Variants in CSMD1 observed in about 807,000 individuals in gnomAD.
CSMD1 encodes CUB and Sushi multiple domains 1, also known as CUB and sushi domain-containing protein 1.
In CSMD1, 213 loss-of-function variants were observed where a neutral mutation model predicts 417.5. The ratio of observed to expected loss-of-function variants is 0.51; its 90% CI spans 0.46 to 0.57. The LOEUF (loss-of-function observed/expected upper bound fraction) is 0.57. Ranked by LOEUF, CSMD1 falls within the 20% of genes least tolerant of loss-of-function variation. CSMD1 has a pLI of 0.00. For synonymous variants in CSMD1, 2,862 were observed against 1,736.8 expected (o/e 1.65, Z -16.11); for missense variants, 6,923 against 4,529.7 (o/e 1.53, Z -15.17).
At chr8:3,300,361 G>GTT (rs77577063) in intron 25 of CSMD1, among the ~76,000 whole-genome samples, 10 of 151,032 alleles carry the variant, frequency 6.6e-5, no homozygotes, top group South Asian at 2.1e-4. Context: ...ACATTTAGGG[G>GTT]TTTTTTTTTC....
chr8:4,790,286 A>T (rs1797623319), intron 1 of CSMD1, among the ~76,000 whole-genome samples: 1 of 152,168 alleles, frequency 6.6e-6, no homozygotes, highest in Non-Finnish European at 1.5e-5. Flanking sequence ...AAGGTGAAAT[A>T]CCTCTACCAC....
Position 4,794,736 on chromosome 8 carries a change from G to A in CSMD1, c.86-157178C>T, listed in dbSNP as rs376883386. 5.3e-5 allele frequency among the ~76,000 whole-genome samples: 8 copies of A among 152,262 alleles called. No individual in the cohort carries two copies. The South Asian group carries it at 1.0e-3, about 20-fold the overall frequency. On this transcript the variant is annotated intron_variant, in intron 1 of 69. Transcript: ENST00000635120. ...AGTATTTTCTCAGGAAAAAAGCTCT[G>A]AACAGATTATTGAGCCATTTGAATT...
At chr8:3,589,848 G>A (rs1800771108) in intron 8 of CSMD1, among the ~76,000 whole-genome samples, 2 of 152,062 alleles carry the variant, frequency 1.3e-5, no homozygotes. Flanking sequence ...AGACTCTCAT[G>A]TACACCATAA....
chr8:4,540,423 C>A (rs1174602536), intron 2 of CSMD1, among the ~76,000 whole-genome samples: 1 of 152,082 alleles, frequency 6.6e-6, no homozygotes, highest in African/African-American at 2.4e-5. Context: ...AAACCTCAGG[C>A]CGGGTGCAGT....
chr8:4,676,216 G>A (rs1364345955), intron 1 of CSMD1, among the ~76,000 whole-genome samples: 1 of 152,106 alleles, frequency 6.6e-6, no homozygotes, highest in Admixed American at 6.5e-5. Flanking sequence ...TGTGGTACTT[G>A]GGATTGAAGA....
intron 3 of CSMD1, among the ~76,000 whole-genome samples, chr8:4,146,915 C>G (rs1804171494): frequency 6.9e-6 from 1 of 144,264 alleles, no homozygotes; most frequent in South Asian, 2.1e-4. Flanking sequence ...ACCGGCCAGA[C>G]ACACTGAACT....
At chr8:4,681,593 ACTCGAGCCTGGTAAATATTACT>A (rs1461797617) in intron 1 of CSMD1, among the ~76,000 whole-genome samples, 2 of 152,008 alleles carry the variant, frequency 1.3e-5, no homozygotes, top group African/African-American at 4.8e-5. Context: ...GACGAGTGGA[ACTCGAGCCTGGTAAATATTACT>A]CTGTGGCTTC....
At chr8:3,779,646 T>C (rs890828612) in intron 5 of CSMD1, among the ~76,000 whole-genome samples, 1 of 152,302 alleles carries the variant, frequency 6.6e-6, no homozygotes, top group Admixed American at 6.5e-5. Flanking sequence ...TATTTTAGGT[T>C]ACATTTATGC....
intron 1 of CSMD1, among the ~76,000 whole-genome samples, chr8:4,814,163 G>T (rs1244572567): frequency 1.3e-5 from 2 of 152,198 alleles, no homozygotes; most frequent in Non-Finnish European, 2.9e-5. Context: ...AAAACTGCAA[G>T]AAAATTAGGT....
intron 7 of CSMD1, among the ~76,000 whole-genome samples, chr8:3,652,839 C>A (rs12680010): frequency 6.6e-6 from 1 of 151,990 alleles, no homozygotes; most frequent in Admixed American, 6.5e-5. Context: ...TGCTCACTAC[C>A]GTATTGGCAG....
At chr8:3,566,535 C>A (rs1036489746) in intron 10 of CSMD1, among the ~76,000 whole-genome samples, 1 of 120,050 alleles carries the variant, frequency 8.3e-6, no homozygotes, top group Non-Finnish European at 2.0e-5. Context: ...CACCTCACCT[C>A]CCTTTGTCCA....
At chr8:3,995,937 G>C (rs958469180) in intron 5 of CSMD1, among the ~76,000 whole-genome samples, 3 of 152,164 alleles carry the variant, frequency 2.0e-5, no homozygotes, top group African/African-American at 7.2e-5. Context: ...TGATGTAGAA[G>C]ATGTCTTCCA....
intron 25 of CSMD1, among the ~76,000 whole-genome samples, chr8:3,299,487 A>C (rs1458121403): frequency 6.6e-6 from 1 of 152,170 alleles, no homozygotes; most frequent in Non-Finnish European, 1.5e-5. Flanking sequence ...ATCATCGCTA[A>C]GGAACTCTGT....
At chr8:4,681,975 C>T (rs753345072) in intron 1 of CSMD1, among the ~76,000 whole-genome samples, 6 of 152,072 alleles carry the variant, frequency 3.9e-5, no homozygotes, top group African/African-American at 7.2e-5. Context: ...CTGTGGAAAG[C>T]GTTATTAATA....
At chr8:4,400,417 T>C (rs1353736359) in intron 3 of CSMD1, among the ~76,000 whole-genome samples, 1 of 152,256 alleles carries the variant, frequency 6.6e-6, no homozygotes, top group Non-Finnish European at 1.5e-5. Flanking sequence ...AGCATATGTT[T>C]GTACATGTGC....
rs558637731 is a variant in CSMD1 at position 3,574,956 on chromosome 8, C to A, written c.1333G>T (p.Asp445Tyr). The change falls in exon 10 of 70, where the codon GAC becomes TAC. Residue 445 changes from aspartate to tyrosine, a missense_variant. By Grantham distance (160) the Asp-to-Tyr change is radical. Coordinates refer to ENST00000635120, the MANE Select transcript of CSMD1 (RefSeq NM_033225.6). ...AGGCGGAGCCTTACCTTGTCCGGGT[C>A]GGTGGTGGTGATGACCCACACACAG... ...AHCVWVITTTDPDKVIKLAFE... is the reference protein window; with the variant it reads ...AHCVWVITTTYPDKVIKLAFE... 3 of 1,612,202 alleles carry A rather than the reference C, an allele frequency of 1.9e-6. No homozygotes were observed. Among genetic ancestry groups the A allele is most frequent in the Non-Finnish European group, 8.5e-7 (1 of 1,179,590 alleles).
In CSMD1 at chr8:3,635,584, C is replaced by T. The variant is rs995146709; in HGVS notation, c.1010-18787G>A. 1.9e-4 allele frequency among the ~76,000 whole-genome samples: 29 copies of T among 150,572 alleles called. No homozygotes were observed. The East Asian group carries it at 2.6e-3, about 14-fold the overall frequency. ...CTGCAAGCTACACATCCCAGGTTCACGCCATTCTCCTGCGTCAACCTCCTG... is the reference window on the plus strand; with the variant it reads ...CTGCAAGCTACACATCCCAGGTTCATGCCATTCTCCTGCGTCAACCTCCTG... On this transcript the variant is annotated intron_variant, in intron 7 of 69. Transcript: ENST00000635120.
chr8:4,534,059 G>T (rs956712699), intron 2 of CSMD1, among the ~76,000 whole-genome samples: 1 of 151,904 alleles, frequency 6.6e-6, no homozygotes, highest in Admixed American at 6.6e-5. Flanking sequence ...TGTAATTCAG[G>T]CATATGTAAG....
At chr8:4,018,748 T>G (rs532782874) in intron 4 of CSMD1, among the ~76,000 whole-genome samples, 47 of 152,298 alleles carry the variant, frequency 3.1e-4, no homozygotes, top group Non-Finnish European at 5.4e-4. Context: ...GGACAGCATG[T>G]GACAAGGGCC....
Sources: allele counts gnomAD v4.1 joint callset (sites outside exome capture counted in the v4.1 genomes callset), GRCh38; gene constraint gnomAD v4.1.1; transcripts MANE v1.5; gene names NCBI Gene and HGNC (gene_info 2026-07-23, HGNC 2026-07-21).